The following TMEM117 variants were observed in gnomAD, a reference collection of about 807,000 sequenced individuals.
TMEM117 encodes transmembrane protein 117.
In TMEM117, 27 loss-of-function variants were observed where a neutral mutation model predicts 52.4. That is an observed-to-expected ratio of 0.51 (90% CI 0.38 to 0.71). The LOEUF is 0.71. Ranked by LOEUF, TMEM117 falls within the 30% of genes least tolerant of loss-of-function variation. TMEM117 has a pLI of 0.00. For missense variants in TMEM117, 556 were observed against 630.5 expected, an observed-to-expected ratio of 0.88 and a Z score of 1.26; for synonymous variants, 215 against 206.3, an observed-to-expected ratio of 1.04 and a Z score of -0.36.
the TMEM117 span, chr12:43,802,165 CCTCATGA>C: frequency 3.4e-6 from 2 of 588,610 alleles, no homozygotes; most frequent in Non-Finnish European, 5.5e-6. Flanking sequence ...CAAGGATTTT[CCTCATGA>C]TCATTCCCTT....
intron 1 of TMEM117, among the ~76,000 whole-genome samples, chr12:43,838,710 A>G (rs1419639290): frequency 2.0e-5 from 3 of 150,048 alleles, no homozygotes; most frequent in East Asian, 2.0e-4. Context: ...TCTGTGTTTT[A>G]TACTTCACAC....
upstream of TMEM117, among the ~76,000 whole-genome samples, chr12:43,834,614 A>T (rs1190392554): frequency 1.3e-5 from 2 of 152,212 alleles, no homozygotes; most frequent in African/African-American, 2.4e-5. Flanking sequence ...TGACTACTAT[A>T]TATCCAGTGG....
chr12:43,842,966 A>G (rs1178460380), intron 1 of TMEM117, among the ~76,000 whole-genome samples: 1 of 152,148 alleles, frequency 6.6e-6, no homozygotes, highest in African/African-American at 2.4e-5. Context: ...AGAGATTCAG[A>G]TCAGAGCTCT....
At chr12:43,893,949 A>T (rs774745393) in intron 2 of TMEM117, among the ~76,000 whole-genome samples, 2 of 152,190 alleles carry the variant, frequency 1.3e-5, no homozygotes, top group Non-Finnish European at 2.9e-5. Context: ...CCACCTCTGC[A>T]TGGTACCTCA....
At chr12:43,896,624 ATT>A (rs11302487) in intron 2 of TMEM117, among the ~76,000 whole-genome samples, 5 of 150,292 alleles carry the variant, frequency 3.3e-5, no homozygotes, top group South Asian at 2.1e-4. Context: ...AAATAAACAC[ATT>A]TTTTTTTTTG....
intron 6 of TMEM117, among the ~76,000 whole-genome samples, chr12:44,340,119 A>C (rs1355781931): frequency 6.6e-6 from 1 of 152,146 alleles, no homozygotes; most frequent in Non-Finnish European, 1.5e-5. Context: ...GGTATTTTAC[A>C]TCAGTCAGGG....
chr12:44,140,660 C>T (rs1279485559), intron 3 of TMEM117, among the ~76,000 whole-genome samples: 1 of 152,054 alleles, frequency 6.6e-6, no homozygotes, highest in African/African-American at 2.4e-5. Flanking sequence ...TAAGTGGAGA[C>T]AGTAGAAGCT....
intron 5 of TMEM117, among the ~76,000 whole-genome samples, chr12:44,265,869 A>AG (rs200721808): frequency 0.011 from 1,620 of 152,288 alleles, 11 homozygotes; most frequent in African/African-American, 0.018. Flanking sequence ...ATTTTTAGCT[A>AG]GTCTTTCACT....
chr12:44,341,598 TG>T (rs1312030821), intron 6 of TMEM117, among the ~76,000 whole-genome samples: 1 of 152,134 alleles, frequency 6.6e-6, no homozygotes, highest in African/African-American at 2.4e-5. Flanking sequence ...GTGTTAGTCT[TG>T]CTCTGCTCTG....
intron 4 of TMEM117, among the ~76,000 whole-genome samples, chr12:44,175,453 TG>T (rs1452587653): frequency 1.3e-5 from 2 of 152,044 alleles, no homozygotes; most frequent in Non-Finnish European, 2.9e-5. Context: ...GAGTTTGAGA[TG>T]GCTGAAAGAA....
At chr12:43,888,461 C>G (rs1177431093) in intron 2 of TMEM117, among the ~76,000 whole-genome samples, 1 of 151,774 alleles carries the variant, frequency 6.6e-6, no homozygotes, top group Admixed American at 6.6e-5. Context: ...ATTGTGAACT[C>G]ATGCCCCATG....
chr12:44,119,281 C>T (rs1407233068), intron 3 of TMEM117, among the ~76,000 whole-genome samples: 1 of 152,170 alleles, frequency 6.6e-6, no homozygotes, highest in African/African-American at 2.4e-5. Flanking sequence ...ATAGTTTCAT[C>T]ATTTTTTCAT....
chr12:44,180,300 A>G (rs941153011), intron 4 of TMEM117, among the ~76,000 whole-genome samples: 2 of 151,768 alleles, frequency 1.3e-5, no homozygotes, highest in African/African-American at 4.8e-5. Flanking sequence ...ATGTTCCTCT[A>G]TCTTGTCCAG....
chr12:43,870,248 T>A lies in TMEM117; in HGVS notation c.277+25320T>A, dbSNP rs117543763. On this transcript the variant is annotated intron_variant, in intron 2 of 7. Transcript: ENST00000266534. ...TGAACATGTGAATAGTGCTGCAGTG[T>A]GCATGTGTCTTTTTTTTTTTTTTCT... Among the ~76,000 whole-genome samples the A allele has an allele frequency of 8.7e-3, 1,327 of 151,964 alleles. 38 individuals are homozygous for A. The highest frequency in any genetic ancestry group is 0.067 in the East Asian group (346 of 5,182).
At chr12:43,980,969 A>C (rs1283924294) in intron 3 of TMEM117, among the ~76,000 whole-genome samples, 1 of 152,212 alleles carries the variant, frequency 6.6e-6, no homozygotes, top group African/African-American at 2.4e-5. Context: ...TTCTGGAGAC[A>C]GGAGTAAACA....
At chr12:44,013,674 A>C (rs1350794808) in intron 3 of TMEM117, among the ~76,000 whole-genome samples, 1 of 152,090 alleles carries the variant, frequency 6.6e-6, no homozygotes, top group East Asian at 1.9e-4. Context: ...TGGAGGTTTT[A>C]GCTCTCAGAC....
Position 44,070,328 on chromosome 12 carries a change from G to C in TMEM117, c.411-73197G>C, listed in dbSNP as rs141492088. On this transcript the variant is annotated intron_variant, in intron 3 of 7. Transcript: ENST00000266534. ...TTGTTGAAGGCAGAAAGGAGGGAAA[G>C]ACAGCACTTAGCCACATCTACTTGG... 7.7e-3 allele frequency among the ~76,000 whole-genome samples: 1,167 copies of C among 152,322 alleles called. 8 individuals are homozygous for C. Among genetic ancestry groups the C allele is most frequent in the African/African-American group, 0.027 (1,110 of 41,568 alleles).
chr12:44,191,455 C>T (rs1949353104), intron 4 of TMEM117, among the ~76,000 whole-genome samples: 1 of 152,000 alleles, frequency 6.6e-6, no homozygotes, highest in African/African-American at 2.4e-5. Flanking sequence ...ACCATTTTCT[C>T]TTCTAGAATC....
intron 4 of TMEM117, among the ~76,000 whole-genome samples, chr12:44,160,220 A>G (rs949770371): frequency 2.6e-5 from 4 of 152,136 alleles, no homozygotes; most frequent in African/African-American, 7.2e-5. Context: ...CAGTGGTGTT[A>G]TATTGAGCAT....
Sources: allele counts gnomAD v4.1 joint callset (sites outside exome capture counted in the v4.1 genomes callset), GRCh38; gene constraint gnomAD v4.1.1; transcripts MANE v1.5; gene names NCBI Gene and HGNC (gene_info 2026-07-23, HGNC 2026-07-21).